The following FRMD1 variants were observed in gnomAD, a reference collection of about 807,000 sequenced individuals.
The protein encoded by FRMD1 is FERM domain containing 1, also known as FERM domain-containing protein 1.
FRMD1 carries 51 observed loss-of-function variants against 54.9 expected under a neutral mutation model. The observed-to-expected ratio is 0.93, with a 90% CI of 0.74 to 1.17. The LOEUF (loss-of-function observed/expected upper bound fraction) is 1.17. FRMD1 is among the 50% of genes most tolerant of loss of function. The probability of loss-of-function intolerance (pLI) is 0.00; values close to 1 mark genes in which losing one functional copy is unlikely to be tolerated. For synonymous variants in FRMD1, 324 were observed against 306.4 expected (o/e 1.06, Z -0.60); for missense variants, 729 against 743.0 (o/e 0.98, Z 0.22).
chr6:168,058,941 G>A (rs1030159014), intron 10 of FRMD1, among the ~76,000 whole-genome samples, 183 bp downstream of exon 10: 11 of 152,100 alleles, frequency 7.2e-5, no homozygotes, highest in Non-Finnish European at 1.0e-4. Flanking sequence ...CTCCACCCAC[G>A]TCCACCTGCC....
intron 1 of FRMD1, among the ~76,000 whole-genome samples, chr6:168,078,340 C>A (rs180719414): frequency 6.6e-6 from 1 of 152,130 alleles, no homozygotes; most frequent in Non-Finnish European, 1.5e-5. Flanking sequence ...CGCTCCCTCC[C>A]GGGAAGGATG....
chr6:168,062,764 C>T (rs755986211), intron 7 of FRMD1, 130 bp downstream of exon 7: 27 of 1,585,676 alleles, frequency 1.7e-5, no homozygotes, highest in East Asian at 4.6e-5. Context: ...AGGCAGGGCG[C>T]GTCCAGGCAG....
intron 2 of FRMD1, 103 bp downstream of exon 2, chr6:168,075,142 A>G (rs3816859): frequency 0.89 from 815,894 of 921,084 alleles, 361,844 homozygotes; most frequent in Non-Finnish European, 0.9. Context: ...AGAGTGGTGT[A>G]TAACTGTGTA....
At chr6:168,064,488 C>G (rs568288807) in intron 5 of FRMD1, among the ~76,000 whole-genome samples, 1 of 151,814 alleles carries the variant, frequency 6.6e-6, no homozygotes, top group Admixed American at 6.5e-5. Flanking sequence ...GAGACTCCTA[C>G]GGGTCCCAGG....
At chr6:168,076,676 C>T (rs1370421859) in intron 1 of FRMD1, among the ~76,000 whole-genome samples, 2 of 152,250 alleles carry the variant, frequency 1.3e-5, no homozygotes, top group Non-Finnish European at 2.9e-5. Context: ...AACCTCTTTC[C>T]TTTATAAATT....
chr6:168,060,512 C>A (rs1799664636), intron 9 of FRMD1, among the ~76,000 whole-genome samples: 2 of 152,162 alleles, frequency 1.3e-5, no homozygotes, highest in African/African-American at 4.8e-5. Context: ...CAGCCTGCAG[C>A]TGCCCCTTGG....
chr6:168,072,209 C>T (rs542133793), intron 2 of FRMD1, among the ~76,000 whole-genome samples: 4 of 152,164 alleles, frequency 2.6e-5, no homozygotes, highest in South Asian at 4.1e-4. Context: ...AGACGCCCTG[C>T]CCTGCACCCC....
At chr6:168,071,444 C>T (rs1410401537) in intron 2 of FRMD1, among the ~76,000 whole-genome samples, 2 of 152,182 alleles carry the variant, frequency 1.3e-5, no homozygotes, top group Admixed American at 1.3e-4. Flanking sequence ...TCAAGAAGGC[C>T]CTGGGGCCAC....
intron 4 of FRMD1, chr6:168,066,154 C>A: frequency 1.0e-6 from 1 of 987,006 alleles, no homozygotes; most frequent in Non-Finnish European, 1.2e-6. Context: ...GCCTCGCCCA[C>A]CCCCGGATGG....
At chr6:168,079,612 T>A (rs1185698772), upstream of FRMD1, among the ~76,000 whole-genome samples, 1 of 152,200 alleles carries the variant, frequency 6.6e-6, no homozygotes, top group Non-Finnish European at 1.5e-5. Flanking sequence ...ACACACCTCC[T>A]GTGGCATCTG....
chr6:168,087,651 T>A (rs930607327), intron 1 of FRMD1, among the ~76,000 whole-genome samples: 5 of 152,222 alleles, frequency 3.3e-5, no homozygotes, highest in Non-Finnish European at 1.5e-5. Flanking sequence ...GCATGTGAGA[T>A]GCACGGGCTG....
chr6:168,064,919 C>T lies in FRMD1; in HGVS notation c.600G>A (p.Ser200=), dbSNP rs184598050. 56 of 1,603,338 alleles carry T rather than the reference C, an allele frequency of 3.5e-5. No individual in the cohort carries two copies. The East Asian group carries it at 9.3e-4, about 27-fold the overall frequency. The change falls in exon 5 of 11, where the codon TCG becomes TCA. Residue 200 remains serine (S), a synonymous_variant. Coordinates refer to ENST00000283309, the MANE Select transcript of FRMD1 (RefSeq NM_024919.6). ...GCTCGAAGTACCTCCCGGCATGGGC[C>T]GACTCCCGGTGCTCGCCCAGGTCAG... ...LQADLGEHRE[S]AHAGRYFEPH...
rs1257162418 is a variant in FRMD1, at chr6:168,077,663, C to T, written c.213+1219G>A. On this transcript the variant is annotated intron_variant, in intron 1 of 10. Coordinates refer to ENST00000283309, the MANE Select transcript of FRMD1 (RefSeq NM_024919.6). Reference sequence around the variant, plus strand: ...GAGCTCCGTCAAAAGCAGATGAGCACGATTCACCTGTTCAGAACAGGCGGT... The same window carrying T: ...GAGCTCCGTCAAAAGCAGATGAGCATGATTCACCTGTTCAGAACAGGCGGT... Among the ~76,000 whole-genome samples, 7 of 152,244 alleles carry T rather than the reference C, an allele frequency of 4.6e-5. No individual in the cohort carries two copies. In the South Asian group the frequency reaches 1.2e-3, roughly 27 times the overall value.
At chr6:168,093,024 C>A (rs1005909616) in intron 1 of FRMD1, 3 of 152,236 alleles carry the variant, frequency 2.0e-5, no homozygotes, top group Non-Finnish European at 2.9e-5. Context: ...GAAGGAGGAG[C>A]AAAGAGATGT....
At chr6:168,083,544 C>T (rs186456437), upstream of FRMD1, among the ~76,000 whole-genome samples, 212 of 152,344 alleles carry the variant, frequency 1.4e-3, no homozygotes, top group African/African-American at 1.7e-3. Flanking sequence ...GGAAAGATGA[C>T]GGAGAAGTCT....
chr6:168,080,367 C>T (rs1357489436), upstream of FRMD1, among the ~76,000 whole-genome samples: 1 of 151,914 alleles, frequency 6.6e-6, no homozygotes, highest in African/African-American at 2.4e-5. Context: ...TCTTTTCTCT[C>T]CACAGCAAAC....
chr6:168,062,836 G>A (rs1296413493), intron 7 of FRMD1, 58 bp downstream of exon 7: 19 of 1,604,136 alleles, frequency 1.2e-5, no homozygotes, highest in Non-Finnish European at 1.6e-5. Flanking sequence ...AGTGGGGAAG[G>A]GAGGAGGGGG....
At chr6:168,069,037 C>T (rs979728466) in intron 2 of FRMD1, among the ~76,000 whole-genome samples, 5 of 152,340 alleles carry the variant, frequency 3.3e-5, no homozygotes, top group Non-Finnish European at 7.4e-5. Context: ...CTTGGCTCAT[C>T]GGTAACAACC....
chr6:168,060,520 T>C (rs1162092254), intron 9 of FRMD1, among the ~76,000 whole-genome samples: 1 of 152,142 alleles, frequency 6.6e-6, no homozygotes, highest in African/African-American at 2.4e-5. Context: ...AGCTGCCCCT[T>C]GGCAGGAACA....
Sources: allele counts gnomAD v4.1 joint callset (sites outside exome capture counted in the v4.1 genomes callset), GRCh38; gene constraint gnomAD v4.1.1; transcripts MANE v1.5; gene names NCBI Gene and HGNC (gene_info 2026-07-23, HGNC 2026-07-21).